The following DGKH variants were observed in gnomAD, a reference collection of about 807,000 sequenced individuals.
DGKH encodes the protein diacylglycerol kinase eta.
A neutral mutation model predicts 159.3 loss-of-function variants in DGKH; 90 were observed. The ratio of observed to expected loss-of-function variants is 0.57; its 90% CI spans 0.48 to 0.67. The LOEUF (loss-of-function observed/expected upper bound fraction) is 0.67. Among genes scored for constraint, DGKH ranks in the 30% least tolerant of loss-of-function variants. DGKH has a pLI of 0.00. For synonymous variants in DGKH, 536 were observed against 553.8 expected, an observed-to-expected ratio of 0.97 and a Z score of 0.45; for missense variants, 1,181 against 1,506.1, an observed-to-expected ratio of 0.78 and a Z score of 3.57.
At chr13:42,213,142 G>A (rs528622136) in intron 24 of DGKH, among the ~76,000 whole-genome samples, 3 of 152,276 alleles carry the variant, frequency 2.0e-5, no homozygotes, top group East Asian at 3.9e-4. Context: ...CAAAGCTGGG[G>A]CAAGGTGAAC....
chr13:42,109,439 C>T (rs747087131), intron 1 of DGKH, among the ~76,000 whole-genome samples: 9 of 152,040 alleles, frequency 5.9e-5, no homozygotes, highest in Non-Finnish European at 1.2e-4. Context: ...TGGAGATGGA[C>T]GATTACACCA....
chr13:42,129,655 C>A (rs373169294), intron 3 of DGKH, 23 bp downstream of exon 3: 1 of 1,599,458 alleles, frequency 6.3e-7, no homozygotes, highest in Non-Finnish European at 8.5e-7. Flanking sequence ...TCTGCTAACT[C>A]CCTTCTCAAA....
chr13:42,205,463 C>A (rs1002064788), intron 20 of DGKH, among the ~76,000 whole-genome samples: 3 of 152,098 alleles, frequency 2.0e-5, no homozygotes, highest in Non-Finnish European at 4.4e-5. Flanking sequence ...TTTCCATTTA[C>A]ATGGTAATTT....
At chr13:42,182,331 A>G (rs1224576896) in intron 13 of DGKH, among the ~76,000 whole-genome samples, 1 of 152,184 alleles carries the variant, frequency 6.6e-6, no homozygotes, top group Non-Finnish European at 1.5e-5. Context: ...TCTGCTTCCT[A>G]CTTTATTTTG....
intron 23 of DGKH, among the ~76,000 whole-genome samples, chr13:42,209,729 T>C (rs1463284292): frequency 1.3e-5 from 2 of 152,190 alleles, no homozygotes; most frequent in Non-Finnish European, 2.9e-5. Context: ...CCTTCTTCCC[T>C]ACACATGTAA....
At chr13:42,184,299 T>A (rs36122479) in intron 13 of DGKH, among the ~76,000 whole-genome samples, 17,961 of 152,220 alleles carry the variant, frequency 0.12, 1,560 homozygotes, top group East Asian at 0.41. Flanking sequence ...TTGCCATATT[T>A]ATCTTAGTGT....
intron 20 of DGKH, 24 bp from the exon 21 acceptor site, chr13:42,206,012 CTTT>C (rs34351817): frequency 0.021 from 23,163 of 1,100,388 alleles, no homozygotes; most frequent in South Asian, 0.025. Flanking sequence ...CTAATCTCTA[CTTT>C]TTTTTTTTTT....
At chr13:42,070,508 C>T in intron 1 of DGKH, 3 of 1,309,392 alleles carry the variant, frequency 2.3e-6, no homozygotes, top group Non-Finnish European at 2.2e-6. Context: ...AGATCTGTAC[C>T]ATTTAGTAAC....
chr13:42,060,571 G>A (rs1882083570), intron 1 of DGKH, among the ~76,000 whole-genome samples: 1 of 152,132 alleles, frequency 6.6e-6, no homozygotes, highest in Admixed American at 6.5e-5. Context: ...AGAAGGGATT[G>A]ACTTTTTGTC....
chr13:42,190,913 T>C (rs17645590), intron 16 of DGKH, among the ~76,000 whole-genome samples: 18,165 of 152,234 alleles, frequency 0.12, 1,544 homozygotes, highest in East Asian at 0.4. Flanking sequence ...ACGCTCCAAA[T>C]GCAGAAAATT....
At chr13:42,070,616 T>C in intron 1 of DGKH, 2 of 1,609,624 alleles carry the variant, frequency 1.2e-6, no homozygotes, top group South Asian at 1.1e-5. Context: ...TCAGTATTAA[T>C]GAAAAGATTA....
rs2138003120 is a variant in DGKH at position 42,165,470 on chromosome 13, A to G, written c.958+37A>G. ...TAGTGTAAGTACGTATATTTCTGGTATATTTAACATTGATATGTATATTTC... is the reference window on the plus strand; with the variant it reads ...TAGTGTAAGTACGTATATTTCTGGTGTATTTAACATTGATATGTATATTTC... On this transcript the variant is annotated intron_variant, in intron 8 of 29. Transcript: ENST00000337343. The G allele has an allele frequency of 7.0e-6, 8 of 1,148,490 alleles. No individual in the cohort carries two copies. The Middle Eastern group carries it at 8.2e-4, about 118-fold the overall frequency. 71.1% of individuals were successfully genotyped at this position (1,148,490 alleles called of 1,614,324 possible).
chr13:42,046,406 A>G (rs1283067678), upstream of DGKH, among the ~76,000 whole-genome samples: 2 of 152,226 alleles, frequency 1.3e-5, no homozygotes, highest in African/African-American at 4.8e-5. Flanking sequence ...TTTACAGATA[A>G]GACCGAGAAG....
intron 1 of DGKH, among the ~76,000 whole-genome samples, chr13:42,107,707 T>C (rs1003774043): frequency 5.3e-5 from 8 of 152,014 alleles, no homozygotes; most frequent in African/African-American, 1.9e-4. Flanking sequence ...AGCCCCGCTG[T>C]GAGTACAGGA....
At chr13:42,041,689 A>C (rs531354341) in intron 1 of DGKH, among the ~76,000 whole-genome samples, 2 of 152,138 alleles carry the variant, frequency 1.3e-5, no homozygotes, top group African/African-American at 4.8e-5. Context: ...TCCACCCCGG[A>C]ATCCCCCTCT....
chr13:42,199,715 C>T (rs761928669), intron 19 of DGKH, 39 bp downstream of exon 19: 12 of 1,555,412 alleles, frequency 7.7e-6, no homozygotes, highest in South Asian at 2.4e-5. Context: ...TACATAAAGG[C>T]AATTTTTTCT....
chr13:42,216,040 T>G (rs1295331928), intron 26 of DGKH, among the ~76,000 whole-genome samples: 1 of 152,234 alleles, frequency 6.6e-6, no homozygotes, highest in East Asian at 1.9e-4. Flanking sequence ...CATTTGAATA[T>G]GACTGGTATG....
chr13:42,052,390 T>G (rs1472037662), intron 1 of DGKH, among the ~76,000 whole-genome samples: 2 of 152,260 alleles, frequency 1.3e-5, no homozygotes, highest in East Asian at 3.8e-4. Flanking sequence ...AAGTGGAATT[T>G]CAGGTGGTCT....
chr13:42,228,950 T>C (rs1208051306), intron 29 of DGKH, 149 bp from the exon 30 acceptor site: 3 of 639,018 alleles, frequency 4.7e-6, no homozygotes, highest in Non-Finnish European at 7.9e-6. Flanking sequence ...AACTGAATGC[T>C]AATTATGTTT....
Sources: gnomAD v4.1 joint callset for allele counts (sites outside exome capture counted in the v4.1 genomes callset) on GRCh38, gnomAD v4.1.1 for gene constraint, MANE v1.5 for transcripts, NCBI Gene and HGNC (gene_info 2026-07-23, HGNC 2026-07-21) for gene names.